The following NMD3 variants were observed in gnomAD, a reference collection of about 807,000 sequenced individuals.
NMD3 encodes the protein 60S ribosomal export protein NMD3.
A neutral mutation model predicts 73.1 loss-of-function variants in NMD3; 47 were observed. The ratio of observed to expected loss-of-function variants is 0.64; its 90% CI spans 0.51 to 0.82. The LOEUF (loss-of-function observed/expected upper bound fraction) is 0.82. NMD3 is among the 40% of genes least tolerant of loss of function. The pLI, the probability that NMD3 is intolerant of heterozygous loss-of-function variation, is 0.00. For missense variants in NMD3, 554 were observed against 612.5 expected (o/e 0.90, Z 1.01); for synonymous variants, 210 against 194.5 (o/e 1.08, Z -0.66).
chr3:161,249,684 C>G, intron 14 of NMD3, 124 bp downstream of exon 14: 1 of 708,644 alleles, frequency 1.4e-6, no homozygotes, highest in Non-Finnish European at 2.6e-6. Context: ...ATCTTGGATT[C>G]TTATCAAGGT....
At position 161,222,157 on chromosome 3, in the gene NMD3, G is replaced by A. The variant is rs528257361; in HGVS notation, c.44+100G>A. ...CGCTTGAGGGTGGGTGGGAAAGAGC[G>A]TATATTGTCATAAATGGGAAAAAAT... On this transcript the variant is annotated intron_variant, in intron 2 of 15. Coordinates refer to ENST00000351193, the MANE Select transcript of NMD3 (RefSeq NM_015938.5). The A allele has an allele frequency of 1.6e-5, 15 of 914,034 alleles. No individual in the cohort carries two copies. The East Asian group carries it at 3.6e-4, about 22-fold the overall frequency. 56.6% of individuals were successfully genotyped at this position (914,034 alleles called of 1,614,324 possible). A position where few individuals can be genotyped will look rare whatever the true frequency, so the allele number is the denominator to read the frequency against.
Position 161,235,137 on chromosome 3 carries a change from A to G in NMD3, c.502A>G (p.Thr168Ala). Residue 168 changes from threonine to alanine, a missense_variant, in exon 7 of 16, where the codon ACT (threonine) becomes GCT (alanine). Thr to Ala is a moderately conservative substitution (Grantham distance 58). Coordinates refer to ENST00000351193, the MANE Select transcript of NMD3 (RefSeq NM_015938.5). Reference sequence around the variant, plus strand: ...TATATTTTAGACTTTGCATAAAAAAACTTTCTACTATCTGGAACAGTTAAT... The same window carrying G: ...TATATTTTAGACTTTGCATAAAAAAGCTTTCTACTATCTGGAACAGTTAAT... ...QVRQKTLHKK[T>A]FYYLEQLILK... 6.6e-7 allele frequency: 1 copy of G among 1,517,402 alleles called. No individual in the cohort carries two copies. Among genetic ancestry groups the G allele is most frequent in the Non-Finnish European group, 9.0e-7 (1 of 1,109,930 alleles). The allele number at this position is 1,517,402 out of a possible 1,614,324, so 94.0% of individuals were successfully genotyped here.
intron 2 of NMD3, among the ~76,000 whole-genome samples, chr3:161,224,016 T>C (rs1345437961): frequency 2.0e-5 from 3 of 152,224 alleles, no homozygotes; most frequent in African/African-American, 7.2e-5. Flanking sequence ...AATGTTATCT[T>C]TATGGATAGT....
At chr3:161,240,495 A>C (rs968370025) in intron 9 of NMD3, among the ~76,000 whole-genome samples, 3 of 150,622 alleles carry the variant, frequency 2.0e-5, no homozygotes, top group Non-Finnish European at 4.4e-5. Flanking sequence ...ATAAAATGGA[A>C]ATAATAATAG....
At chr3:161,235,431 C>T (rs572510567) in intron 7 of NMD3, 70 of 313,422 alleles carry the variant, frequency 2.2e-4, no homozygotes, top group Non-Finnish European at 3.6e-4. Flanking sequence ...GTGGCTAGAG[C>T]AACTGAGAAA....
rs1442672889 is a variant in NMD3, at chr3:161,251,814, T to G, written c.*904T>G. On this transcript the variant is annotated 3_prime_UTR_variant, in exon 16 of 16. Coordinates refer to ENST00000351193, the MANE Select transcript of NMD3 (RefSeq NM_015938.5). ...ATGAGGTACATACTTTATAAAACCA[T>G]TAATCAGATTTGAATGAGGAATGCT... The G allele has an allele frequency of 6.6e-6, 1 of 152,208 alleles. No homozygotes were observed. The highest frequency in any genetic ancestry group is 1.9e-4 in the East Asian group (1 of 5,196). The allele number at this position is 152,208 out of a possible 1,614,324, so 9.4% of individuals were successfully genotyped here. A position where few individuals can be genotyped will look rare whatever the true frequency, so the allele number is the denominator to read the frequency against.
rs1329952020 is a variant in NMD3, at chr3:161,237,811, A to G, written c.578-302A>G. ...CCAAAGTGCTGGGATTACAGGCATG[A>G]GCCACCGCACCCGGCTGTTCATAAA... is the stretch of plus-strand genomic sequence containing the variant. On this transcript the variant is annotated intron_variant, in intron 7 of 15. Transcript: ENST00000351193. Among the ~76,000 whole-genome samples the G allele has an allele frequency of 2.6e-5, 4 of 152,010 alleles. No homozygotes were observed. The East Asian group carries it at 7.7e-4, about 29-fold the overall frequency.
intron 11 of NMD3, among the ~76,000 whole-genome samples, chr3:161,243,495 A>G (rs1737071544): frequency 6.6e-6 from 1 of 152,154 alleles, no homozygotes; most frequent in Non-Finnish European, 1.5e-5. Flanking sequence ...TCAATTGGAG[A>G]CCACTCATTA....
At chr3:161,227,477 C>T (rs1227894109) in intron 4 of NMD3, 134 bp downstream of exon 4, 1 of 530,988 alleles carries the variant, frequency 1.9e-6, no homozygotes, top group Admixed American at 4.2e-5. Flanking sequence ...GGGTCTTGAA[C>T]TGTCACCTGG....
At chr3:161,222,589 CT>C (rs11391145) in intron 2 of NMD3, among the ~76,000 whole-genome samples, 2,273 of 147,842 alleles carry the variant, frequency 0.015, 52 homozygotes, top group African/African-American at 0.047. Flanking sequence ...TTCAAATTAA[CT>C]TTTTTTTTTT....
Position 161,238,715 on chromosome 3 carries a change from C to T in NMD3, c.657-15C>T, listed in dbSNP as rs1272224805. 4 of 1,279,578 alleles carry T rather than the reference C, an allele frequency of 3.1e-6. No homozygotes were observed. The highest frequency in any genetic ancestry group is 1.1e-6 in the Non-Finnish European group (1 of 878,298). 79.3% of individuals were successfully genotyped at this position (1,279,578 alleles called of 1,614,324 possible). A position where few individuals can be genotyped will look rare whatever the true frequency, so the allele number is the denominator to read the frequency against. ...ATCTTTGTCTTTATATTACTACTAA[C>T]TTTTTTCTTAATAGATACAAAGCAT... On this transcript the variant is annotated splice_polypyrimidine_tract_variant and intron_variant, in intron 8 of 15. Coordinates refer to ENST00000351193, the MANE Select transcript of NMD3 (RefSeq NM_015938.5).
chr3:161,226,662 G>A (rs1398279365), intron 3 of NMD3, among the ~76,000 whole-genome samples: 1 of 152,176 alleles, frequency 6.6e-6, no homozygotes, highest in East Asian at 1.9e-4. Context: ...GTGGCATAGT[G>A]CTAAGTCCTG....
chr3:161,228,166 A>G (rs1736397579), intron 4 of NMD3, among the ~76,000 whole-genome samples: 1 of 152,148 alleles, frequency 6.6e-6, no homozygotes, highest in Non-Finnish European at 1.5e-5. Context: ...ACTCACTTCT[A>G]CCATGTTTTT....
intron 15 of NMD3, among the ~76,000 whole-genome samples, chr3:161,250,536 A>G (rs185514960): frequency 2.1e-4 from 32 of 152,306 alleles, no homozygotes; most frequent in African/African-American, 6.5e-4. Flanking sequence ...TATTATTTGC[A>G]TTCTAGCTTG....
chr3:161,240,979 T>A, intron 9 of NMD3, 67 bp from the exon 10 acceptor site: 2 of 900,288 alleles, frequency 2.2e-6, no homozygotes, highest in Admixed American at 2.1e-5. Context: ...TGGGTGTTTA[T>A]TGATGAGTGT....
intron 12 of NMD3, 93 bp downstream of exon 12, chr3:161,246,541 TTC>T: frequency 2.0e-6 from 1 of 502,294 alleles, no homozygotes; most frequent in Admixed American, 3.0e-5. Flanking sequence ...ACATTGTTTA[TTC>T]TAAAAAGATC....
intron 7 of NMD3, among the ~76,000 whole-genome samples, chr3:161,236,639 G>A (rs1314836386): frequency 6.6e-6 from 1 of 152,090 alleles, no homozygotes; most frequent in Non-Finnish European, 1.5e-5. Context: ...AAAACTGTTT[G>A]TCTAATCAAG....
intron 9 of NMD3, among the ~76,000 whole-genome samples, chr3:161,239,590 T>C (rs1466870515): frequency 1.3e-5 from 2 of 152,168 alleles, no homozygotes; most frequent in Non-Finnish European, 2.9e-5. Context: ...ATTTTGACGA[T>C]GAGGAAATTG....
intron 8 of NMD3, 36 bp downstream of exon 8, chr3:161,238,227 G>A: frequency 7.6e-7 from 1 of 1,315,036 alleles, no homozygotes; most frequent in South Asian, 1.3e-5. Context: ...TAAATCTAAG[G>A]ACTTGGGAAT....
Sources: allele counts gnomAD v4.1 joint callset (sites outside exome capture counted in the v4.1 genomes callset), GRCh38; gene constraint gnomAD v4.1.1; transcripts MANE v1.5; gene names NCBI Gene and HGNC (gene_info 2026-07-23, HGNC 2026-07-21).